Variants in STK3 observed in about 807,000 individuals in gnomAD.
STK3 encodes the protein serine/threonine-protein kinase 3.
STK3 carries 41 observed loss-of-function variants against 58.0 expected under a neutral mutation model. The observed-to-expected ratio is 0.71, with a 90% CI of 0.55 to 0.92. The LOEUF is 0.92. Ranked by LOEUF, STK3 falls within the 40% of genes least tolerant of loss-of-function variation. The pLI is 0.00. For synonymous variants in STK3, 170 were observed against 191.0 expected, an observed-to-expected ratio of 0.89 and a Z score of 0.91; for missense variants, 479 against 602.7, an observed-to-expected ratio of 0.79 and a Z score of 2.15.
At chr8:98,748,999 C>G (rs906235281) in intron 4 of STK3, among the ~76,000 whole-genome samples, 2 of 151,838 alleles carry the variant, frequency 1.3e-5, no homozygotes, top group Non-Finnish European at 2.9e-5. Context: ...CACACACACA[C>G]GCTGATTCCA....
chr8:98,365,651 C>T, the STK3 span, among the ~76,000 whole-genome samples: 1 of 152,154 alleles, frequency 6.6e-6, no homozygotes, highest in Admixed American at 6.5e-5. Context: ...CCTCCCTCCC[C>T]AGAGCAACCC....
At chr8:98,585,571 C>T (rs1365976305) in intron 7 of STK3, among the ~76,000 whole-genome samples, 52 of 147,696 alleles carry the variant, frequency 3.5e-4, no homozygotes, top group African/African-American at 9.5e-4. Flanking sequence ...ATTGACTTGG[C>T]GATGCGGGCT....
chr8:98,455,641 C>T lies in STK3; in HGVS notation c.*201G>A, dbSNP rs2131135059. ...CAAGAGAATACACTTCTTTTGTTCTCCTCATCTTAGAGTGAATGCACAGCA... is the reference window on the plus strand; with the variant it reads ...CAAGAGAATACACTTCTTTTGTTCTTCTCATCTTAGAGTGAATGCACAGCA... On this transcript the variant is annotated 3_prime_UTR_variant, in exon 11 of 11. Coordinates refer to ENST00000419617, the MANE Select transcript of STK3 (RefSeq NM_006281.4). 5.0e-6 allele frequency: 3 copies of T among 597,308 alleles called. No individual in the cohort carries two copies. The highest frequency in any genetic ancestry group is 5.7e-5 in the East Asian group (2 of 35,076). 37.0% of individuals were successfully genotyped at this position (597,308 alleles called of 1,614,324 possible).
intron 6 of STK3, among the ~76,000 whole-genome samples, chr8:98,625,729 C>T (rs1356444629): frequency 6.6e-6 from 1 of 152,108 alleles, no homozygotes; most frequent in Non-Finnish European, 1.5e-5. Flanking sequence ...TAATTTGGGG[C>T]AAGGAGATTT....
chr8:98,779,871 A>T (rs1353204302), intron 1 of STK3, among the ~76,000 whole-genome samples: 1 of 151,506 alleles, frequency 6.6e-6, no homozygotes, highest in Non-Finnish European at 1.5e-5. Flanking sequence ...CTTATATATA[A>T]GTCAATGAAT....
chr8:98,716,241 A>G lies in STK3; in HGVS notation c.352-8930T>C, dbSNP rs899127618. ...ATGGCACATGTATACATATGTAACT[A>G]ACCTGCATGTTGTGCACATGTACCC... On this transcript the variant is annotated intron_variant, in intron 4 of 10. Coordinates refer to ENST00000419617, the MANE Select transcript of STK3 (RefSeq NM_006281.4). 3.9e-5 allele frequency among the ~76,000 whole-genome samples: 6 copies of G among 152,280 alleles called. No homozygotes were observed. In the East Asian group the frequency reaches 1.2e-3, roughly 29 times the overall value.
chr8:98,425,703 TC>T (rs1453901034), intron 3 of STK3, among the ~76,000 whole-genome samples: 2 of 152,084 alleles, frequency 1.3e-5, no homozygotes, highest in African/African-American at 4.8e-5. Flanking sequence ...AGATTAACGG[TC>T]CTCTACAGGT....
chr8:98,488,711 A>G (rs997709626), intron 10 of STK3, among the ~76,000 whole-genome samples: 2 of 152,218 alleles, frequency 1.3e-5, no homozygotes, highest in Non-Finnish European at 2.9e-5. Context: ...GAGGAGACAC[A>G]GTCCTAAAAA....
At chr8:98,621,744 T>G (rs186440497) in intron 6 of STK3, among the ~76,000 whole-genome samples, 3 of 152,230 alleles carry the variant, frequency 2.0e-5, no homozygotes, top group Admixed American at 1.3e-4. Context: ...CTGTATGTTC[T>G]TAAGGTGGAA....
chr8:98,568,384 C>A (rs1445642165), intron 8 of STK3, among the ~76,000 whole-genome samples: 13 of 152,274 alleles, frequency 8.5e-5, no homozygotes, highest in African/African-American at 3.1e-4. Context: ...AATATGTAAG[C>A]AGCTAACTCA....
At chr8:98,840,164 T>C (rs1328307869) in intron 3 of STK3, among the ~76,000 whole-genome samples, 1 of 151,866 alleles carries the variant, frequency 6.6e-6, no homozygotes, top group Non-Finnish European at 1.5e-5. Flanking sequence ...CTGGCCAACA[T>C]GGTGAAACCC....
intron 3 of STK3, among the ~76,000 whole-genome samples, chr8:98,425,548 C>T (rs1228036333): frequency 6.6e-6 from 1 of 152,198 alleles, no homozygotes; most frequent in Non-Finnish European, 1.5e-5. Context: ...GTGGAATCCA[C>T]CACATTTGCA....
chr8:98,573,361 C>G (rs940721211), intron 8 of STK3, among the ~76,000 whole-genome samples: 1 of 152,106 alleles, frequency 6.6e-6, no homozygotes, highest in Non-Finnish European at 1.5e-5. Context: ...GCAGAAAGCA[C>G]CTCTTCACAG....
At chr8:98,460,868 A>C (rs1294844334) in intron 10 of STK3, among the ~76,000 whole-genome samples, 1 of 152,250 alleles carries the variant, frequency 6.6e-6, no homozygotes, top group Admixed American at 6.5e-5. Context: ...ACTATGAATC[A>C]ACTCGATTTT....
chr8:98,809,892 G>A lies in STK3; in HGVS notation c.26+15623C>T, dbSNP rs112534053. On this transcript the variant is annotated intron_variant, in intron 1 of 10. Transcript: ENST00000419617. ...TGCTATAAAGAAATACCTGAGACTC[G>A]GTAATGCATAAAGAAAAGAGGTTTA... Among the ~76,000 whole-genome samples, 1,132 of 152,146 alleles carry A rather than the reference G, an allele frequency of 7.4e-3. 8 individuals are homozygous for A. The highest frequency in any genetic ancestry group is 0.025 in the African/African-American group (1,035 of 41,516).
In STK3 at chr8:98,726,603, T is replaced by C. The variant is rs537210472; in HGVS notation, c.352-19292A>G. On this transcript the variant is annotated intron_variant, in intron 4 of 10. Coordinates refer to ENST00000419617, the MANE Select transcript of STK3 (RefSeq NM_006281.4). ...AGTATCACTTTCTACACAAAAGAAC[T>C]CATTCTCCTAAGATTCTAGTACAGC... Among the ~76,000 whole-genome samples the C allele has an allele frequency of 2.6e-5, 4 of 152,242 alleles. No homozygotes were observed. In the South Asian group the frequency reaches 8.3e-4, roughly 32 times the overall value.
chr8:98,429,678 C>A, intron 3 of STK3: 1 of 440,730 alleles, frequency 2.3e-6, no homozygotes, highest in Non-Finnish European at 4.2e-6. Flanking sequence ...ACCTTTTTGC[C>A]AGATGAGTAC....
the STK3 span, among the ~76,000 whole-genome samples, chr8:98,365,122 C>A: frequency 6.6e-6 from 1 of 152,168 alleles, no homozygotes; most frequent in Non-Finnish European, 1.5e-5. Flanking sequence ...TCTGAGCCTT[C>A]TGGGGTGAAT....
chr8:98,672,980 T>TA (rs879746468), intron 6 of STK3, among the ~76,000 whole-genome samples: 55 of 151,386 alleles, frequency 3.6e-4, no homozygotes, highest in Middle Eastern at 3.4e-3. Flanking sequence ...TGTGTTTCTT[T>TA]AAAAAAAAAT....
Sources: allele counts gnomAD v4.1 joint callset (sites outside exome capture counted in the v4.1 genomes callset), GRCh38; gene constraint gnomAD v4.1.1; transcripts MANE v1.5; gene names NCBI Gene and HGNC (gene_info 2026-07-23, HGNC 2026-07-21).